Variants in GLI2 observed in about 807,000 individuals in gnomAD.
GLI2 encodes the protein transcription activator GLI2.
A neutral mutation model predicts 78.9 loss-of-function variants in GLI2; 22 were observed. The ratio of observed to expected loss-of-function variants is 0.28; its 90% CI spans 0.20 to 0.40. The LOEUF is 0.40. Ranked by LOEUF, GLI2 falls within the 10% of genes least tolerant of loss-of-function variation. The pLI, the probability that GLI2 is intolerant of heterozygous loss-of-function variation, is 1.00. For missense variants in GLI2, 2,097 were observed against 2,213.2 expected, an observed-to-expected ratio of 0.95 and a Z score of 1.05; for synonymous variants, 974 against 963.7, an observed-to-expected ratio of 1.01 and a Z score of -0.20.
At chr2:120,775,783 A>G (rs529607260) in intron 1 of GLI2, among the ~76,000 whole-genome samples, 2 of 152,194 alleles carry the variant, frequency 1.3e-5, no homozygotes, top group Non-Finnish European at 2.9e-5. Flanking sequence ...CCTCACCTAT[A>G]AGGTGGGAAG....
At chr2:120,795,621 A>T (rs10169929) in intron 1 of GLI2, among the ~76,000 whole-genome samples, 34,761 of 151,478 alleles carry the variant, frequency 0.23, 7,867 homozygotes, top group African/African-American at 0.59. Flanking sequence ...GGAGCTGACC[A>T]CTGGTGTCTG....
chr2:120,752,612 T>C (rs1573342443), intron 1 of GLI2, among the ~76,000 whole-genome samples: 1 of 152,212 alleles, frequency 6.6e-6, no homozygotes, highest in South Asian at 2.1e-4. Flanking sequence ...AATAGTAATA[T>C]ACCTACATGG....
At chr2:120,802,446 A>G (rs538055479) in intron 2 of GLI2, among the ~76,000 whole-genome samples, 1 of 152,320 alleles carries the variant, frequency 6.6e-6, no homozygotes, top group South Asian at 2.1e-4. Flanking sequence ...TTTGGAGGCC[A>G]TAAATCTTTT....
At chr2:120,888,132 G>A (rs1447525204) in intron 2 of GLI2, among the ~76,000 whole-genome samples, 1 of 152,216 alleles carries the variant, frequency 6.6e-6, no homozygotes, top group East Asian at 1.9e-4. Context: ...TTTCTGTCTG[G>A]CTGGATGCCG....
At chr2:120,911,727 G>A (rs897215600) in intron 2 of GLI2, among the ~76,000 whole-genome samples, 2 of 152,124 alleles carry the variant, frequency 1.3e-5, no homozygotes, top group East Asian at 1.9e-4. Flanking sequence ...TGCGGTGGAG[G>A]GGGGTGGCAG....
At chr2:120,922,098 G>A (rs1679405578) in intron 2 of GLI2, among the ~76,000 whole-genome samples, 1 of 152,088 alleles carries the variant, frequency 6.6e-6, no homozygotes, top group African/African-American at 2.4e-5. Context: ...CCTCTCACTG[G>A]GCCATGGTGT....
chr2:120,986,882 T>C (rs1190569056), intron 13 of GLI2, among the ~76,000 whole-genome samples: 2 of 152,212 alleles, frequency 1.3e-5, no homozygotes, highest in Non-Finnish European at 2.9e-5. Flanking sequence ...CCTGCGCACA[T>C]CATCCTCTTC....
chr2:120,941,771 T>G (rs540004827), intron 3 of GLI2, among the ~76,000 whole-genome samples: 2 of 152,196 alleles, frequency 1.3e-5, no homozygotes, highest in Non-Finnish European at 2.9e-5. Context: ...TGGTGGGTGG[T>G]AGGCATCTTG....
At position 120,988,612 on chromosome 2, in the gene GLI2, C is replaced by A; in HGVS notation, c.2647C>A (p.Pro883Thr). The A allele has an allele frequency of 6.8e-7, 1 of 1,469,142 alleles. No homozygotes were observed. The highest frequency in any genetic ancestry group is 2.3e-5 in the Admixed American group (1 of 42,556). 91.0% of individuals were successfully genotyped at this position (1,469,142 alleles called of 1,614,324 possible). Residue 883 changes from proline to threonine, a missense_variant, in exon 14 of 14, where the codon CCC (proline) becomes ACC (threonine). This residue lies in a region of GLI2 where 1,290 missense variants were observed against 1,261.7 expected (regional missense o/e 1.02). Coordinates refer to ENST00000361492, the MANE Select transcript of GLI2 (RefSeq NM_001374353.1). ...CAAGTACGCGGCAGCCACTGGCGGC[C>A]CCCCGCCCACTCCGCTGCCGGGCCT... The part of the protein sequence containing the change: ...RAKYAAATGG[P>T]PPTPLPGLER...
At chr2:120,821,347 G>T (rs1573431016) in intron 2 of GLI2, among the ~76,000 whole-genome samples, 1 of 152,180 alleles carries the variant, frequency 6.6e-6, no homozygotes, top group African/African-American at 2.4e-5. Context: ...ATTAGGGATG[G>T]GCCCATGGCT....
intron 2 of GLI2, among the ~76,000 whole-genome samples, chr2:120,919,637 C>T (rs1434934350): frequency 3.9e-5 from 6 of 152,272 alleles, no homozygotes; most frequent in Admixed American, 3.9e-4. Context: ...GGCTCCAGCA[C>T]TGTCCCCTGG....
intron 2 of GLI2, among the ~76,000 whole-genome samples, chr2:120,854,874 C>A (rs1687572812): frequency 6.6e-6 from 1 of 152,216 alleles, no homozygotes; most frequent in Non-Finnish European, 1.5e-5. Context: ...GATGCTGCTG[C>A]TGCTGCTGTT....
chr2:120,741,439 C>A (rs1682535312), intron 1 of GLI2, among the ~76,000 whole-genome samples: 1 of 151,752 alleles, frequency 6.6e-6, no homozygotes, highest in Non-Finnish European at 1.5e-5. Context: ...TTCTGTCCTG[C>A]CCCCACCCCC....
At chr2:120,766,641 C>T (rs1683375152) in intron 1 of GLI2, among the ~76,000 whole-genome samples, 1 of 152,220 alleles carries the variant, frequency 6.6e-6, no homozygotes, top group Non-Finnish European at 1.5e-5. Flanking sequence ...TCAGACTGGC[C>T]TGGTGGCATC....
At chr2:120,775,220 T>A (rs1683642085) in intron 1 of GLI2, among the ~76,000 whole-genome samples, 1 of 152,234 alleles carries the variant, frequency 6.6e-6, no homozygotes, top group Non-Finnish European at 1.5e-5. Context: ...CCATTTAACC[T>A]GCTGTGATTG....
At chr2:120,778,607 C>CG (rs1205115286) in intron 1 of GLI2, among the ~76,000 whole-genome samples, 10 of 152,090 alleles carry the variant, frequency 6.6e-5, no homozygotes, top group African/African-American at 2.4e-4. Flanking sequence ...TGGGGTGAGA[C>CG]GGGGTGAAGT....
chr2:120,933,269 G>A (rs1680029496), intron 3 of GLI2, among the ~76,000 whole-genome samples: 1 of 152,182 alleles, frequency 6.6e-6, no homozygotes, highest in African/African-American at 2.4e-5. Flanking sequence ...GGTCACTTAA[G>A]GTTCAAATGC....
Position 120,989,934 on chromosome 2 carries a change from C to T in GLI2, c.3969C>T (p.Val1323=). The T allele has an allele frequency of 6.2e-7, 1 of 1,611,710 alleles. No individual in the cohort carries two copies. Among genetic ancestry groups the T allele is most frequent in the Non-Finnish European group, 8.5e-7 (1 of 1,179,436 alleles). ...TGAGCCAGGAGGGCTACCACCAGGTCCCCAGCCTTCTGCCTGCCCGCCAGC... is the reference window on the plus strand; with the variant it reads ...TGAGCCAGGAGGGCTACCACCAGGTTCCCAGCCTTCTGCCTGCCCGCCAGC... ...ASMSQEGYHQ[V]PSLLPARQPG... Residue 1323 remains valine, a synonymous_variant, in exon 14 of 14, where the codon GTC becomes GTT. Coordinates refer to ENST00000361492, the MANE Select transcript of GLI2 (RefSeq NM_001374353.1).
intron 3 of GLI2, among the ~76,000 whole-genome samples, chr2:120,949,777 C>T (rs1406289658): frequency 6.6e-6 from 1 of 152,240 alleles, no homozygotes; most frequent in Non-Finnish European, 1.5e-5. Context: ...GCACAGCGGC[C>T]TCCCAGGGGG....
Sources: allele counts gnomAD v4.1 joint callset (sites outside exome capture counted in the v4.1 genomes callset), GRCh38; gene constraint gnomAD v4.1.1; regional missense constraint gnomAD v4.1.1; transcripts MANE v1.5; gene names NCBI Gene and HGNC (gene_info 2026-07-23, HGNC 2026-07-21).